TMEM131L: variants seen among roughly 807,000 people sequenced by gnomAD.
TMEM131L encodes transmembrane protein 131-like.
TMEM131L carries 54 observed loss-of-function variants against 192.2 expected under a neutral mutation model. The observed-to-expected ratio is 0.28, with a 90% CI of 0.23 to 0.35. TMEM131L has a LOEUF of 0.35. Ranked by LOEUF, TMEM131L falls within the 10% of genes least tolerant of loss-of-function variation. The probability of loss-of-function intolerance (pLI) is 1.00; values close to 1 mark genes in which losing one functional copy is unlikely to be tolerated. For missense variants in TMEM131L, 1,888 were observed against 1,972.9 expected (o/e 0.96, Z 0.82); for synonymous variants, 701 against 704.9 (o/e 0.99, Z 0.09).
chr4:153,593,271 A>G (rs940408327), intron 18 of TMEM131L, among the ~76,000 whole-genome samples: 2 of 151,726 alleles, frequency 1.3e-5, no homozygotes, highest in African/African-American at 4.8e-5. Flanking sequence ...CAGCTTTCGC[A>G]GTATTGGTAT....
At position 153,543,286 on chromosome 4, in the gene TMEM131L, A is replaced by G. The variant is rs146871909; in HGVS notation, c.240-6787A>G. On this transcript the variant is annotated intron_variant, in intron 3 of 34. Coordinates refer to ENST00000409959, the MANE Select transcript of TMEM131L (RefSeq NM_001131007.2). ...CTGGTAAGAATGGCAGTTCCAGCTT[A>G]AGTAGCAATGCCTGTGTCTTTTATG... Among the ~76,000 whole-genome samples, 1,222 of 152,330 alleles carry G rather than the reference A, an allele frequency of 8.0e-3. 6 individuals are homozygous for G. Among genetic ancestry groups the G allele is most frequent in the Non-Finnish European group, 0.011 (767 of 68,018 alleles).
intron 3 of TMEM131L, among the ~76,000 whole-genome samples, chr4:153,501,947 T>G (rs1234967403): frequency 6.7e-6 from 1 of 148,840 alleles, no homozygotes; most frequent in East Asian, 2.0e-4. Flanking sequence ...CAAAGGGTTT[T>G]TTTTTTTTTT....
chr4:153,526,963 A>G (rs1308037681), intron 3 of TMEM131L, among the ~76,000 whole-genome samples: 2 of 152,078 alleles, frequency 1.3e-5, no homozygotes, highest in African/African-American at 2.4e-5. Flanking sequence ...TATTGTTTAT[A>G]TGTATCTTTG....
chr4:153,593,295 G>T (rs1412751391), intron 18 of TMEM131L, among the ~76,000 whole-genome samples: 1 of 151,454 alleles, frequency 6.6e-6, no homozygotes, highest in African/African-American at 2.4e-5. Context: ...GGACCAGATG[G>T]TTCTACCATT....
chr4:153,622,094 A>G (rs560743015), intron 28 of TMEM131L, among the ~76,000 whole-genome samples: 2 of 152,284 alleles, frequency 1.3e-5, no homozygotes, highest in South Asian at 4.1e-4. Context: ...ATCCTCAGGC[A>G]TATTGCTGAA....
At chr4:153,524,467 G>A (rs367950622) in intron 3 of TMEM131L, among the ~76,000 whole-genome samples, 5 of 152,240 alleles carry the variant, frequency 3.3e-5, no homozygotes, top group African/African-American at 7.2e-5. Context: ...GACTGACATT[G>A]TTTGCAGGTA....
intron 26 of TMEM131L, among the ~76,000 whole-genome samples, chr4:153,618,784 C>A (rs1322870538): frequency 6.6e-6 from 1 of 152,040 alleles, no homozygotes; most frequent in Non-Finnish European, 1.5e-5. Context: ...ATCCTCTGCA[C>A]CAGAAAGCAG....
Position 153,635,589 on chromosome 4 carries a change from T to C in TMEM131L, c.4557+18T>C, listed in dbSNP as rs529407665. ...GCTCTCCGGTCAGTGTTGCCCATCC[T>C]GTGCCGTGAACCCCTGGGCAGCTCT... On this transcript the variant is annotated intron_variant, in intron 34 of 34. Coordinates refer to ENST00000409959, the MANE Select transcript of TMEM131L (RefSeq NM_001131007.2). The C allele has an allele frequency of 6.2e-7, 1 of 1,613,730 alleles. No homozygotes were observed. Among genetic ancestry groups the C allele is most frequent in the South Asian group, 1.1e-5 (1 of 91,032 alleles).
chr4:153,470,653 T>G (rs1006910919), intron 2 of TMEM131L, among the ~76,000 whole-genome samples: 5 of 152,250 alleles, frequency 3.3e-5, no homozygotes, highest in African/African-American at 1.2e-4. Context: ...CATTAGCTTA[T>G]TTTCAAGAAG....
chr4:153,586,114 T>G, intron 13 of TMEM131L, 95 bp from the exon 14 acceptor site: 1 of 891,302 alleles, frequency 1.1e-6, no homozygotes, highest in Non-Finnish European at 1.6e-6. Context: ...TCATACTTTC[T>G]GAAGTATAGA....
At chr4:153,511,426 A>G (rs1734348427) in intron 3 of TMEM131L, among the ~76,000 whole-genome samples, 1 of 152,216 alleles carries the variant, frequency 6.6e-6, no homozygotes, top group Non-Finnish European at 1.5e-5. Flanking sequence ...GGAGCTGAAT[A>G]ATAACACGTG....
At chr4:153,625,901 C>A (rs1291356003) in intron 29 of TMEM131L, among the ~76,000 whole-genome samples, 1 of 151,890 alleles carries the variant, frequency 6.6e-6, no homozygotes, top group Non-Finnish European at 1.5e-5. Flanking sequence ...GAGTGAGACT[C>A]TGTCTCAAAA....
At chr4:153,614,148 C>T (rs1179551502) in intron 26 of TMEM131L, among the ~76,000 whole-genome samples, 1 of 152,150 alleles carries the variant, frequency 6.6e-6, no homozygotes, top group East Asian at 1.9e-4. Context: ...GTAGAGGAAC[C>T]ATTGAGGCAT....
chr4:153,626,192 C>T lies in TMEM131L; in HGVS notation c.4091C>T (p.Ser1364Phe). Residue 1364 changes from serine to phenylalanine, a missense_variant, in exon 30 of 35, where the codon TCC (serine) becomes TTC (phenylalanine). Coordinates refer to ENST00000409959, the MANE Select transcript of TMEM131L (RefSeq NM_001131007.2). ...GATTTTCCTTCTGAAGCTCCCATCT[C>T]CTTGAATCTTTCTCATAACATCTGC... Reference protein sequence around the residue: ...QNDFPSEAPISLNLSHNICNP... With the variant: ...QNDFPSEAPIFLNLSHNICNP... 1.9e-6 allele frequency: 3 copies of T among 1,612,242 alleles called. No individual in the cohort carries two copies. The highest frequency in any genetic ancestry group is 2.5e-6 in the Non-Finnish European group (3 of 1,178,498).
In TMEM131L at chr4:153,578,949, C is replaced by T. The variant is rs185066171; in HGVS notation, c.661-1877C>T. On this transcript the variant is annotated intron_variant, in intron 7 of 34. Transcript: ENST00000409959. ...CTGGGATTACAGGCATGAGCCACTG[C>T]ACCCAGCCTAACAAGTCTCTTTTAA... 2.9e-3 allele frequency among the ~76,000 whole-genome samples: 437 copies of T among 152,288 alleles called. 3 individuals are homozygous for T. Among genetic ancestry groups the T allele is most frequent in the African/African-American group, 9.5e-3 (393 of 41,564 alleles).
chr4:153,631,311 A>G (rs1358369929), intron 31 of TMEM131L, among the ~76,000 whole-genome samples: 1 of 152,214 alleles, frequency 6.6e-6, no homozygotes, highest in African/African-American at 2.4e-5. Flanking sequence ...AAGTTTCCCT[A>G]GAGGGGTACC....
At chr4:153,579,147 GC>G (rs1024018782) in intron 7 of TMEM131L, among the ~76,000 whole-genome samples, 4 of 151,828 alleles carry the variant, frequency 2.6e-5, no homozygotes, top group Non-Finnish European at 4.4e-5. Flanking sequence ...GATTGCTTGA[GC>G]CCAGGAGTTC....
intron 20 of TMEM131L, 55 bp from the exon 21 acceptor site, chr4:153,598,535 T>C (rs1052376736): frequency 1.4e-6 from 2 of 1,459,628 alleles, no homozygotes; most frequent in East Asian, 2.3e-5. Flanking sequence ...TTTAAGTACA[T>C]TGTACCTTGT....
chr4:153,633,383 AT>A (rs1734352853), intron 32 of TMEM131L: 1 of 125,812 alleles, frequency 7.9e-6, no homozygotes, highest in South Asian at 2.8e-4. Context: ...TGCTGGTCTA[AT>A]TTTTAATTTT....
Sources: allele counts gnomAD v4.1 joint callset (sites outside exome capture counted in the v4.1 genomes callset), GRCh38; gene constraint gnomAD v4.1.1; transcripts MANE v1.5; gene names NCBI Gene and HGNC (gene_info 2026-07-23, HGNC 2026-07-21).